Variants in RBFOX1 observed in about 807,000 individuals in gnomAD.
RBFOX1 encodes RNA binding fox-1 homolog 1.
RBFOX1 carries 8 observed loss-of-function variants against 57.7 expected under a neutral mutation model. The observed-to-expected ratio is 0.14, with a 90% CI of 0.08 to 0.25. The LOEUF is 0.25. RBFOX1 is among the 10% of genes least tolerant of loss of function. RBFOX1 has a pLI of 1.00. For missense variants in RBFOX1, 611 were observed against 548.5 expected, an observed-to-expected ratio of 1.11 and a Z score of -1.14; for synonymous variants, 326 against 222.4, an observed-to-expected ratio of 1.47 and a Z score of -4.15.
At chr16:6,660,345 C>G (rs74638071) in intron 3 of RBFOX1, among the ~76,000 whole-genome samples, 1 of 152,044 alleles carries the variant, frequency 6.6e-6, no homozygotes, top group African/African-American at 2.4e-5. Flanking sequence ...CTATGACACA[C>G]GATTACTTAT....
intron 4 of RBFOX1, among the ~76,000 whole-genome samples, chr16:5,914,459 T>C (rs990622575): frequency 7.2e-5 from 11 of 152,106 alleles, no homozygotes; most frequent in Non-Finnish European, 8.8e-5. Flanking sequence ...CATGTAACCT[T>C]TGGCAGATCC....
At chr16:6,846,890 G>A (rs2093784525) in intron 3 of RBFOX1, among the ~76,000 whole-genome samples, 1 of 151,292 alleles carries the variant, frequency 6.6e-6, no homozygotes, top group African/African-American at 2.4e-5. Context: ...ATTACAAAGG[G>A]AAAGACTGCC....
intron 5 of RBFOX1, among the ~76,000 whole-genome samples, chr16:7,519,000 G>A (rs539128470): frequency 6.6e-6 from 1 of 152,212 alleles, no homozygotes; most frequent in Non-Finnish European, 1.5e-5. Flanking sequence ...TCCAGCCTAG[G>A]TCACAGAGTG....
chr16:6,156,663 C>G (rs1308014138), intron 1 of RBFOX1, among the ~76,000 whole-genome samples: 2 of 152,132 alleles, frequency 1.3e-5, no homozygotes, highest in African/African-American at 4.8e-5. Flanking sequence ...ACTTCCCTCC[C>G]CACTTCCCAG....
chr16:6,051,198 G>C (rs932175347), intron 1 of RBFOX1, among the ~76,000 whole-genome samples: 1 of 151,578 alleles, frequency 6.6e-6, no homozygotes, highest in Non-Finnish European at 1.5e-5. Context: ...CTGGGTACTA[G>C]AGGTGTCCCA....
chr16:6,924,899 C>G lies in RBFOX1; in HGVS notation c.-15-127158C>G, dbSNP rs527597190. On this transcript the variant is annotated intron_variant, in intron 3 of 15. Coordinates refer to ENST00000550418, the MANE Select transcript of RBFOX1 (RefSeq NM_018723.4). Reference sequence around the variant, plus strand: ...TCCCCTTCCTGTGTCCATGTGTTCTCATTGTTCAATTCCTACCTATGAGTG... The same window carrying G: ...TCCCCTTCCTGTGTCCATGTGTTCTGATTGTTCAATTCCTACCTATGAGTG... 4.6e-4 allele frequency among the ~76,000 whole-genome samples: 62 copies of G among 136,224 alleles called. 1 individual carries two copies. The highest frequency in any genetic ancestry group is 1.5e-3 in the African/African-American group (57 of 36,814). 89.4% of individuals were successfully genotyped at this position (136,224 alleles called of 152,430 possible). A position where few individuals can be genotyped will look rare whatever the true frequency, so the allele number is the denominator to read the frequency against.
At chr16:5,909,321 G>A (rs554098393) in intron 4 of RBFOX1, among the ~76,000 whole-genome samples, 3 of 152,064 alleles carry the variant, frequency 2.0e-5, no homozygotes, top group East Asian at 3.9e-4. Context: ...CTCGATCTCT[G>A]GACCTCATCA....
chr16:6,153,565 TC>T (rs756586521), intron 1 of RBFOX1, among the ~76,000 whole-genome samples: 58 of 152,202 alleles, frequency 3.8e-4, no homozygotes, highest in Admixed American at 3.9e-4. Flanking sequence ...GGATGGAGTC[TC>T]CCTCTGTTGC....
intron 1 of RBFOX1, among the ~76,000 whole-genome samples, chr16:5,370,640 G>A (rs1464708321): frequency 2.6e-5 from 4 of 151,916 alleles, no homozygotes; most frequent in Admixed American, 1.3e-4. Flanking sequence ...CCGCAGGCAC[G>A]TGCTACCACA....
chr16:7,115,685 A>G (rs1479877628), intron 4 of RBFOX1, among the ~76,000 whole-genome samples: 1 of 152,200 alleles, frequency 6.6e-6, no homozygotes, highest in Admixed American at 6.5e-5. Flanking sequence ...GGGGACACCC[A>G]AGACAGAGAA....
rs189851269 is a variant in RBFOX1, at chr16:6,351,416, C to T, written c.-64+34359C>T. 2.2e-5 allele frequency among the ~76,000 whole-genome samples: 3 copies of T among 137,468 alleles called. No homozygotes were observed. In the East Asian group the frequency reaches 6.3e-4, roughly 29 times the overall value. The allele number at this position is 137,468 out of a possible 152,430, so 90.2% of individuals were successfully genotyped here. A position where few individuals can be genotyped will look rare whatever the true frequency, so the allele number is the denominator to read the frequency against. ...GAGGCAGAGTTTTGCTCTTGTTGCC[C>T]AGGCTGGAGTGCAGTGGCATGATGT... On this transcript the variant is annotated intron_variant, in intron 2 of 15. Transcript: ENST00000550418.
chr16:5,668,112 C>G (rs932790128), intron 3 of RBFOX1, among the ~76,000 whole-genome samples: 3 of 152,110 alleles, frequency 2.0e-5, no homozygotes, highest in Admixed American at 1.3e-4. Flanking sequence ...GAAACTCTGT[C>G]TCTACTAAAA....
At chr16:6,664,252 A>C (rs777449689) in intron 3 of RBFOX1, among the ~76,000 whole-genome samples, 9 of 152,112 alleles carry the variant, frequency 5.9e-5, no homozygotes, top group South Asian at 2.1e-4. Context: ...TGCATTTTAC[A>C]TCCTATGCAA....
In RBFOX1 at chr16:6,666,540, CAAAAAAA is replaced by C. The variant is rs35935992; in HGVS notation, c.-16+11902_-16+11908del. Among the ~76,000 whole-genome samples, 767 of 81,470 alleles carry C rather than the reference CAAAAAAA, an allele frequency of 9.4e-3. 11 individuals are homozygous for C. The highest frequency in any genetic ancestry group is 0.028 in the African/African-American group (715 of 25,780). The allele number at this position is 81,470 out of a possible 152,430, so 53.4% of individuals were successfully genotyped here. On this transcript the variant is annotated intron_variant, in intron 3 of 15. Coordinates refer to ENST00000550418, the MANE Select transcript of RBFOX1 (RefSeq NM_018723.4). ...GGGTGACAGAGTAAGACTCTGTCTCCAAAAAAAAAAAAAAAAAACAAATCATGTCACT... is the reference window on the plus strand; with the variant it reads ...GGGTGACAGAGTAAGACTCTGTCTCCAAAAAAAAAAACAAATCATGTCACT...
chr16:7,268,501 T>C (rs966447609), intron 4 of RBFOX1, among the ~76,000 whole-genome samples: 1 of 152,188 alleles, frequency 6.6e-6, no homozygotes, highest in Non-Finnish European at 1.5e-5. Context: ...TTTCCAAAGA[T>C]GCTCTGCGGT....
intron 4 of RBFOX1, among the ~76,000 whole-genome samples, chr16:7,377,850 A>C (rs147626020): frequency 7.2e-4 from 109 of 152,318 alleles, no homozygotes; most frequent in African/African-American, 2.4e-3. Flanking sequence ...AGTGAAGTGA[A>C]ATATGCCAGG....
intron 1 of RBFOX1, among the ~76,000 whole-genome samples, chr16:5,395,896 G>A (rs1186083226): frequency 1.2e-4 from 18 of 152,194 alleles, no homozygotes; most frequent in African/African-American, 4.3e-4. Flanking sequence ...TGAAGCCGTT[G>A]GTCCTGCAGC....
At chr16:6,774,136 G>A (rs902482475) in intron 3 of RBFOX1, 10 of 430,656 alleles carry the variant, frequency 2.3e-5, no homozygotes, top group African/African-American at 4.3e-5. Context: ...TCGGAACAAA[G>A]ACCGGCACTC....
At chr16:5,568,008 T>C (rs2046134174) in intron 2 of RBFOX1, among the ~76,000 whole-genome samples, 2 of 152,222 alleles carry the variant, frequency 1.3e-5, no homozygotes, top group South Asian at 4.1e-4. Context: ...AACTCTGAAC[T>C]GATCTGCTCT....
Sources: allele counts gnomAD v4.1 joint callset (sites outside exome capture counted in the v4.1 genomes callset), GRCh38; gene constraint gnomAD v4.1.1; transcripts MANE v1.5; gene names NCBI Gene and HGNC (gene_info 2026-07-23, HGNC 2026-07-21).